NEGR1: variants seen among roughly 807,000 people sequenced by gnomAD.
NEGR1 encodes the protein IgLON family member 4.
Under a neutral mutation model 40.9 loss-of-function variants are expected in NEGR1, and 10 were observed. The observed-to-expected ratio is 0.24, with a 90% CI of 0.15 to 0.42. The LOEUF is 0.42. NEGR1 is among the 10% of genes least tolerant of loss of function. The probability of loss-of-function intolerance (pLI) is 1.00; values close to 1 mark genes in which losing one functional copy is unlikely to be tolerated. For missense variants in NEGR1, 352 were observed against 438.9 expected, an observed-to-expected ratio of 0.80 and a Z score of 1.77; for synonymous variants, 185 against 166.8, an observed-to-expected ratio of 1.11 and a Z score of -0.84.
At chr1:72,074,425 C>T (rs76898032) in intron 1 of NEGR1, among the ~76,000 whole-genome samples, 1,608 of 151,820 alleles carry the variant, frequency 0.011, 29 homozygotes, top group African/African-American at 0.037. Context: ...GCGAATATAT[C>T]ACATATATCA....
At chr1:72,183,242 A>G (rs888964699) in intron 1 of NEGR1, among the ~76,000 whole-genome samples, 3 of 152,110 alleles carry the variant, frequency 2.0e-5, no homozygotes, top group African/African-American at 7.2e-5. Flanking sequence ...TTCACATCCA[A>G]CACAGTATCT....
intron 2 of NEGR1, among the ~76,000 whole-genome samples, chr1:71,933,457 A>ATATTT (rs1190451605): frequency 1.3e-5 from 2 of 152,216 alleles, no homozygotes; most frequent in Non-Finnish European, 2.9e-5. Flanking sequence ...AAGTAACTCG[A>ATATTT]ACATATTATT....
At chr1:71,539,181 G>A (rs1436199393) in intron 6 of NEGR1, among the ~76,000 whole-genome samples, 3 of 151,638 alleles carry the variant, frequency 2.0e-5, no homozygotes, top group East Asian at 3.9e-4. Flanking sequence ...GGTTAAATGA[G>A]ACAATGCATA....
chr1:72,117,850 C>T (rs1649640438), intron 1 of NEGR1, among the ~76,000 whole-genome samples: 1 of 151,770 alleles, frequency 6.6e-6, no homozygotes, highest in African/African-American at 2.4e-5. Context: ...GTGCCACCTG[C>T]TCTAGAAACT....
chr1:72,238,459 A>AT (rs934307677), intron 1 of NEGR1, among the ~76,000 whole-genome samples: 16 of 151,580 alleles, frequency 1.1e-4, no homozygotes, highest in Admixed American at 7.9e-4. Context: ...GGCTTATGAC[A>AT]TTTTTTTTAA....
At chr1:71,928,270 A>G (rs11804511) in intron 2 of NEGR1, among the ~76,000 whole-genome samples, 10 of 140,926 alleles carry the variant, frequency 7.1e-5, no homozygotes, top group Admixed American at 2.2e-4. Flanking sequence ...ATACGTATAT[A>G]TGTATATATA....
intron 4 of NEGR1, among the ~76,000 whole-genome samples, chr1:71,648,837 T>A (rs1651615992): frequency 6.6e-6 from 1 of 152,074 alleles, no homozygotes; most frequent in Non-Finnish European, 1.5e-5. Flanking sequence ...TCTGGCTTGT[T>A]CATTATATAT....
chr1:72,064,217 A>T (rs1647222963), intron 1 of NEGR1, among the ~76,000 whole-genome samples: 1 of 151,972 alleles, frequency 6.6e-6, no homozygotes, highest in Admixed American at 6.6e-5. Context: ...TTTATCACAA[A>T]TCATATTGCC....
At chr1:72,176,084 A>G (rs911818581) in intron 1 of NEGR1, among the ~76,000 whole-genome samples, 1 of 152,108 alleles carries the variant, frequency 6.6e-6, no homozygotes, top group Non-Finnish European at 1.5e-5. Flanking sequence ...CTAGTACTGA[A>G]TTATAAAGTT....
intron 2 of NEGR1, among the ~76,000 whole-genome samples, chr1:71,801,190 C>A (rs1289226438): frequency 6.6e-6 from 1 of 152,192 alleles, no homozygotes; most frequent in Non-Finnish European, 1.5e-5. Flanking sequence ...TTTCTACTAA[C>A]CTTTACTGGC....
At chr1:71,614,006 T>C (rs1650359692) in intron 4 of NEGR1, among the ~76,000 whole-genome samples, 1 of 152,168 alleles carries the variant, frequency 6.6e-6, no homozygotes, top group South Asian at 2.1e-4. Flanking sequence ...ACTAAAAAAA[T>C]ACCCTAGGAA....
At chr1:71,973,132 C>A (rs1329762750) in intron 1 of NEGR1, among the ~76,000 whole-genome samples, 2 of 151,906 alleles carry the variant, frequency 1.3e-5, no homozygotes, top group South Asian at 2.1e-4. Flanking sequence ...CTGGCTAACA[C>A]GGTGAAACCC....
At chr1:71,996,886 T>C (rs1646509281) in intron 1 of NEGR1, among the ~76,000 whole-genome samples, 1 of 152,038 alleles carries the variant, frequency 6.6e-6, no homozygotes, top group African/African-American at 2.4e-5. Context: ...CCAATGTCTG[T>C]TTTCCCTGAT....
At chr1:72,210,581 TTGTTGCAAA>T (rs1557580230) in intron 1 of NEGR1, among the ~76,000 whole-genome samples, 1 of 151,912 alleles carries the variant, frequency 6.6e-6, no homozygotes, top group African/African-American at 2.4e-5. Context: ...ATGACAATTT[TTGTTGCAAA>T]GTTGAAGATT....
intron 3 of NEGR1, among the ~76,000 whole-genome samples, chr1:71,761,286 A>G (rs567260159): frequency 6.6e-6 from 1 of 152,304 alleles, no homozygotes; most frequent in Admixed American, 6.5e-5. Flanking sequence ...TAAAGCGGCC[A>G]TAGACAATAT....
intron 3 of NEGR1, among the ~76,000 whole-genome samples, chr1:71,772,709 G>A (rs1489506275): frequency 6.6e-6 from 1 of 152,038 alleles, no homozygotes; most frequent in East Asian, 1.9e-4. Context: ...AATTAACACG[G>A]AGATATCTAG....
At chr1:72,171,066 A>T (rs36075373) in intron 1 of NEGR1, among the ~76,000 whole-genome samples, 19,613 of 152,184 alleles carry the variant, frequency 0.13, 1,666 homozygotes, top group Non-Finnish European at 0.19. Flanking sequence ...GGCTCTGCCA[A>T]AATAGGCTAT....
chr1:72,166,168 G>A (rs957674034), intron 1 of NEGR1, among the ~76,000 whole-genome samples: 11 of 151,740 alleles, frequency 7.2e-5, no homozygotes, highest in Non-Finnish European at 8.8e-5. Context: ...ATCTTTGAGC[G>A]CACAACTTTA....
chr1:72,005,183 T>C (rs1646596199), intron 1 of NEGR1, among the ~76,000 whole-genome samples: 1 of 152,152 alleles, frequency 6.6e-6, no homozygotes, highest in Admixed American at 6.6e-5. Flanking sequence ...GTTTATTATG[T>C]TTATTTTTGG....
Sources: allele counts gnomAD v4.1 joint callset (sites outside exome capture counted in the v4.1 genomes callset), GRCh38; gene constraint gnomAD v4.1.1; transcripts MANE v1.5; gene names NCBI Gene and HGNC (gene_info 2026-07-23, HGNC 2026-07-21).